Variants in ST14 observed in about 807,000 individuals in gnomAD.
ST14 encodes the protein suppressor of tumorigenicity 14 protein.
In ST14, 40 loss-of-function variants were observed where a neutral mutation model predicts 96.5. The observed-to-expected ratio is 0.41, with a 90% CI of 0.32 to 0.54. The LOEUF is 0.54. Among genes scored for constraint, ST14 ranks in the 20% least tolerant of loss-of-function variants. ST14 has a pLI of 0.17. For synonymous variants in ST14, 506 were observed against 492.1 expected (o/e 1.03, Z -0.37); for missense variants, 1,066 against 1,188.9 (o/e 0.90, Z 1.52).
intron 9 of ST14, 105 bp downstream of exon 9, chr11:130,194,842 A>G (rs1169080641): frequency 2.1e-5 from 24 of 1,123,708 alleles, no homozygotes; most frequent in Non-Finnish European, 2.8e-5. Context: ...ATGTGTTTGC[A>G]TATGTGTGCA....
chr11:130,207,272 C>A (rs778839460), intron 16 of ST14, among the ~76,000 whole-genome samples: 1 of 152,174 alleles, frequency 6.6e-6, no homozygotes, highest in Non-Finnish European at 1.5e-5. Flanking sequence ...TGTGAGCCAG[C>A]GGGCACGGTG....
intron 16 of ST14, among the ~76,000 whole-genome samples, chr11:130,206,002 C>T (rs899586603): frequency 6.6e-6 from 1 of 152,070 alleles, no homozygotes; most frequent in Non-Finnish European, 1.5e-5. Flanking sequence ...CAGCCTTCTT[C>T]GGAGCTTTTT....
intron 9 of ST14, among the ~76,000 whole-genome samples, chr11:130,195,577 G>A (rs1056013512): frequency 3.9e-5 from 6 of 152,112 alleles, no homozygotes; most frequent in East Asian, 1.9e-4. Context: ...CAGGAGGGCC[G>A]GGCGCAGTGG....
At chr11:130,179,328 G>A (rs1953169452) in intron 1 of ST14, among the ~76,000 whole-genome samples, 1 of 152,206 alleles carries the variant, frequency 6.6e-6, no homozygotes, top group Non-Finnish European at 1.5e-5. Context: ...AATGCTGGGG[G>A]TTGCGATCAA....
intron 1 of ST14, among the ~76,000 whole-genome samples, chr11:130,177,928 A>T (rs1033504121): frequency 6.6e-5 from 10 of 152,348 alleles, no homozygotes; most frequent in African/African-American, 2.4e-4. Flanking sequence ...AACCGGGTCC[A>T]TGCACCTTTG....
chr11:130,205,803 A>T (rs1953481120), intron 16 of ST14, among the ~76,000 whole-genome samples: 1 of 140,728 alleles, frequency 7.1e-6, no homozygotes, highest in Admixed American at 7.9e-5. Flanking sequence ...GGTTCAGGTG[A>T]TTCTCTTGCC....
intron 1 of ST14, among the ~76,000 whole-genome samples, chr11:130,167,770 A>C (rs1953055152): frequency 6.6e-6 from 1 of 151,840 alleles, no homozygotes; most frequent in African/African-American, 2.4e-5. Context: ...GCTGGAGTGC[A>C]GTGGCGCGAT....
intron 1 of ST14, among the ~76,000 whole-genome samples, chr11:130,177,860 A>G (rs1187686492): frequency 3.9e-5 from 6 of 152,386 alleles, no homozygotes; most frequent in Non-Finnish European, 4.4e-5. Flanking sequence ...AGCATCGACT[A>G]TACCACCTAT....
rs1409728250 is a variant in ST14, at chr11:130,196,329, C to T, written c.1114-10C>T. On this transcript the variant is annotated splice_polypyrimidine_tract_variant and intron_variant, in intron 9 of 18. Transcript: ENST00000278742. ...GAACTGCACATTCCCAGCAGCCTCT[C>T]TTCCCTCAGGTGCCCAACAACCAGC... 9 of 1,576,232 alleles carry T rather than the reference C, an allele frequency of 5.7e-6. No homozygotes were observed. The highest frequency in any genetic ancestry group is 1.8e-4 in the Middle Eastern group (1 of 5,562).
Position 130,200,017 on chromosome 11 carries a change from A to C in ST14, c.1874A>C (p.Glu625Ala). The change falls in exon 16 of 19, where the codon GAG becomes GCG. Residue 625 changes from glutamate (E) to alanine (A), a missense_variant. Coordinates refer to ENST00000278742, the MANE Select transcript of ST14 (RefSeq NM_021978.4). ...GGGGGCACGGATGCGGATGAGGGCG[A>C]GTGGCCCTGGCAGGTAAGCCTGCAT... ...VVGGTDADEG[E>A]WPWQVSLHAL... 1 of 1,614,106 alleles carries C rather than the reference A, an allele frequency of 6.2e-7. No individual in the cohort carries two copies. Among genetic ancestry groups the C allele is most frequent in the Non-Finnish European group, 8.5e-7 (1 of 1,180,008 alleles).
In ST14 at chr11:130,198,295, T is replaced by C. The variant is rs1953389220; in HGVS notation, c.1460-13T>C. 1 of 1,613,316 alleles carries C rather than the reference T, an allele frequency of 6.2e-7. No individual in the cohort carries two copies. The highest frequency in any genetic ancestry group is 1.3e-5 in the African/African-American group (1 of 75,030). ...GAGGGCCTCACGGCCGACCTCCCCT[T>C]ACCCCACTCCAGGTTGCGACGCCGG... On this transcript the variant is annotated splice_polypyrimidine_tract_variant and intron_variant, in intron 12 of 18. Transcript: ENST00000278742.
intron 16 of ST14, among the ~76,000 whole-genome samples, chr11:130,203,457 G>C (rs1953452609): frequency 6.6e-6 from 1 of 152,078 alleles, no homozygotes; most frequent in Non-Finnish European, 1.5e-5. Context: ...GAGCCCAGAG[G>C]GGCCTTCCCC....
At chr11:130,160,321 TGAGTTGAAAAAAGGG>T (rs1469006608) in intron 1 of ST14, among the ~76,000 whole-genome samples, 9 of 151,704 alleles carry the variant, frequency 5.9e-5, no homozygotes, top group Non-Finnish European at 1.2e-4. Context: ...TTTCTTTCCC[TGAGTTGAAAAAAGGG>T]GCTCCGTCTC....
At chr11:130,208,191 A>AG (rs947066314) in intron 16 of ST14, among the ~76,000 whole-genome samples, 4 of 152,188 alleles carry the variant, frequency 2.6e-5, no homozygotes, top group Admixed American at 6.5e-5. Context: ...TATTCAAGGA[A>AG]GGGGGGGTAA....
At chr11:130,160,105 G>A (rs770708446) in intron 1 of ST14, 45 bp downstream of exon 1, 2 of 1,313,294 alleles carry the variant, frequency 1.5e-6, no homozygotes, top group South Asian at 1.8e-5. Context: ...GCTCCTGCCC[G>A]CCCGACCCTG....
intron 16 of ST14, among the ~76,000 whole-genome samples, chr11:130,206,642 A>G (rs1953492781): frequency 8.3e-6 from 1 of 119,834 alleles, no homozygotes; most frequent in Non-Finnish European, 1.9e-5. Flanking sequence ...ATCTTGGCTC[A>G]CTGCAACCTC....
chr11:130,188,787 C>A lies in ST14; in HGVS notation c.370-82C>A, dbSNP rs1235749145. The A allele has an allele frequency of 2.5e-6, 4 of 1,603,182 alleles. No individual in the cohort carries two copies. The African/African-American group carries it at 4.0e-5, about 16-fold the overall frequency. ...GGGTGATCTGCAAAGGGGACCCGGG[C>A]CCTGGAGGGGAGGGAGCAGCCCGGG... On this transcript the variant is annotated intron_variant, in intron 3 of 18. Coordinates refer to ENST00000278742, the MANE Select transcript of ST14 (RefSeq NM_021978.4). The surrounding 1 kb of genome is among the most constrained non-coding windows in gnomAD (Gnocchi z 5.4).
intron 11 of ST14, chr11:130,196,938 G>A (rs1484023628): frequency 1.7e-6 from 1 of 601,428 alleles, no homozygotes; most frequent in Non-Finnish European, 2.9e-6. Flanking sequence ...CCAGCATGAG[G>A]TACCTGCGGC....
chr11:130,188,156 A>G lies in ST14; in HGVS notation c.124A>G (p.Asn42Asp). 6.2e-7 allele frequency: 1 copy of G among 1,614,210 alleles called. No individual in the cohort carries two copies. The highest frequency in any genetic ancestry group is 8.5e-7 in the Non-Finnish European group (1 of 1,180,044). ...LEEGVEFLPV[N>D]NVKKVEKHGP... ...GGAAGGCGTGGAGTTCCTGCCAGTC[A>G]ACAACGTCAAGAAGGTGGAAAAGCA... is the stretch of plus-strand genomic sequence containing the variant. Residue 42 changes from asparagine (N) to aspartate (D), a missense_variant, in exon 2 of 19, where the codon AAC (asparagine) becomes GAC (aspartate). Physicochemically the swap from Asn to Asp is conservative, Grantham distance 23 (BLOSUM62 1). Transcript: ENST00000278742. This position sits in a 1 kb window ranked among gnomAD's most constrained non-coding sequence, Gnocchi z 5.4.
Sources: allele counts gnomAD v4.1 joint callset (sites outside exome capture counted in the v4.1 genomes callset), GRCh38; gene constraint gnomAD v4.1.1; non-coding constraint Gnocchi (gnomAD v3.1); transcripts MANE v1.5; gene names NCBI Gene and HGNC (gene_info 2026-07-23, HGNC 2026-07-21).